Variants in GRM8 observed in about 807,000 individuals in gnomAD.
The protein encoded by GRM8 is metabotropic glutamate receptor 8.
GRM8 carries 47 observed loss-of-function variants against 87.2 expected under a neutral mutation model. The observed-to-expected ratio is 0.54, with a 90% CI of 0.43 to 0.69. The LOEUF (loss-of-function observed/expected upper bound fraction) is 0.69, where lower values mean the gene tolerates loss of function less well. GRM8 is among the 30% of genes least tolerant of loss of function. The pLI, the probability that GRM8 is intolerant of heterozygous loss-of-function variation, is 0.00. For synonymous variants in GRM8, 396 were observed against 404.5 expected, an observed-to-expected ratio of 0.98 and a Z score of 0.25; for missense variants, 1,019 against 1,139.2, an observed-to-expected ratio of 0.89 and a Z score of 1.52.
chr7:127,149,709 T>G (rs554872595), intron 2 of GRM8, among the ~76,000 whole-genome samples: 2 of 152,050 alleles, frequency 1.3e-5, no homozygotes, highest in Admixed American at 1.3e-4. Flanking sequence ...GGTACAAATA[T>G]ACAATGGAAT....
intron 7 of GRM8, among the ~76,000 whole-genome samples, chr7:126,702,460 C>A (rs976498690): frequency 1.3e-5 from 2 of 152,144 alleles, no homozygotes; most frequent in African/African-American, 2.4e-5. Flanking sequence ...TATACTCATG[C>A]GAAGCACTGA....
intron 6 of GRM8, among the ~76,000 whole-genome samples, chr7:126,795,374 T>A (rs1395119121): frequency 6.6e-6 from 1 of 152,148 alleles, no homozygotes; most frequent in Non-Finnish European, 1.5e-5. Flanking sequence ...TGTTGACTGA[T>A]TTTTAGGTAA....
In GRM8 at chr7:127,114,920, A is replaced by T. The variant is rs537658103; in HGVS notation, c.511-8208T>A. ...AAGGGACTATTTTCAAGGCAGGAGC[A>T]GCATATAGAGAAGGCAGTGGAAAGC... On this transcript the variant is annotated intron_variant, in intron 2 of 10. Coordinates refer to ENST00000339582, the MANE Select transcript of GRM8 (RefSeq NM_000845.3). 1.1e-3 allele frequency among the ~76,000 whole-genome samples: 174 copies of T among 152,284 alleles called. 1 individual carries two copies. Among genetic ancestry groups the T allele is most frequent in the African/African-American group, 4.2e-3 (173 of 41,554 alleles).
At chr7:126,696,270 T>C (rs1386931977) in intron 7 of GRM8, among the ~76,000 whole-genome samples, 1 of 152,166 alleles carries the variant, frequency 6.6e-6, no homozygotes, top group Non-Finnish European at 1.5e-5. Context: ...GATGTGCAGG[T>C]TTGTTACACA....
intron 6 of GRM8, among the ~76,000 whole-genome samples, chr7:126,886,151 G>A (rs2131036910): frequency 6.6e-6 from 1 of 152,166 alleles, no homozygotes; most frequent in Admixed American, 6.6e-5. Flanking sequence ...ATTGAAGATA[G>A]GGGTCATTTT....
intron 6 of GRM8, among the ~76,000 whole-genome samples, chr7:126,785,385 C>T (rs1261789962): frequency 6.6e-6 from 1 of 152,090 alleles, no homozygotes; most frequent in Non-Finnish European, 1.5e-5. Flanking sequence ...CAACCACACA[C>T]CAATGCTACC....
At chr7:126,930,284 G>A (rs935702269) in intron 3 of GRM8, among the ~76,000 whole-genome samples, 5 of 152,166 alleles carry the variant, frequency 3.3e-5, no homozygotes, top group Non-Finnish European at 7.4e-5. Context: ...GGCAATAGTA[G>A]TAGTACTGAC....
chr7:127,019,903 C>A (rs1816088493), intron 3 of GRM8, among the ~76,000 whole-genome samples: 1 of 152,076 alleles, frequency 6.6e-6, no homozygotes, highest in African/African-American at 2.4e-5. Flanking sequence ...TACACCACTG[C>A]AAGCTCTCTG....
chr7:127,040,509 A>G (rs576983547), intron 3 of GRM8, among the ~76,000 whole-genome samples: 1 of 152,254 alleles, frequency 6.6e-6, no homozygotes, highest in African/African-American at 2.4e-5. Flanking sequence ...TTCATGCTCT[A>G]CAAGAGTAAA....
At chr7:127,210,913 G>T (rs1453194485) in intron 2 of GRM8, among the ~76,000 whole-genome samples, 2 of 152,142 alleles carry the variant, frequency 1.3e-5, no homozygotes, top group African/African-American at 4.8e-5. Context: ...TACCACATAG[G>T]TACATTAGAC....
At chr7:126,995,176 G>A (rs927522707) in intron 3 of GRM8, among the ~76,000 whole-genome samples, 12 of 152,070 alleles carry the variant, frequency 7.9e-5, no homozygotes, top group South Asian at 2.1e-4. Context: ...TGTATTACTC[G>A]GCTTGGAACC....
chr7:127,196,794 A>C (rs1795300963), intron 2 of GRM8, among the ~76,000 whole-genome samples: 1 of 152,338 alleles, frequency 6.6e-6, no homozygotes, highest in South Asian at 2.1e-4. Flanking sequence ...TCTGTGCCTC[A>C]GTTTCCTCAT....
intron 8 of GRM8, among the ~76,000 whole-genome samples, chr7:126,557,287 A>C (rs1333840614): frequency 1.3e-5 from 2 of 152,244 alleles, no homozygotes; most frequent in Non-Finnish European, 2.9e-5. Flanking sequence ...CTCTGGATCC[A>C]TTACCATAAG....
At chr7:126,793,433 T>C (rs1821588073) in intron 6 of GRM8, among the ~76,000 whole-genome samples, 1 of 152,146 alleles carries the variant, frequency 6.6e-6, no homozygotes. Context: ...TCCCCTGATT[T>C]GAAAAGTGGG....
At position 126,533,162 on chromosome 7, in the gene GRM8, G is replaced by A; in HGVS notation, c.2220C>T (p.Leu740=). The A allele has an allele frequency of 6.2e-7, 1 of 1,612,810 alleles. No individual in the cohort carries two copies. Among genetic ancestry groups the A allele is most frequent in the Non-Finnish European group, 8.5e-7 (1 of 1,179,702 alleles). Residue 740 remains leucine, a synonymous_variant, in exon 9 of 11, where the codon CTC becomes CTT. Transcript: ENST00000339582. ...GTGAGAGATCAGAAATGTCACACTT[G>A]AGCACTCCCCTGGCCTTCTCTGGAT... ...TLDPEKARGV[L]KCDISDLSLI...
At chr7:126,600,830 T>C (rs1271842392) in intron 8 of GRM8, among the ~76,000 whole-genome samples, 1 of 152,100 alleles carries the variant, frequency 6.6e-6, no homozygotes, top group Admixed American at 6.6e-5. Flanking sequence ...TAAATTAGCA[T>C]CTAATAAACA....
rs554938646 is a variant in GRM8 at position 126,574,149 on chromosome 7, C to T, written c.1494+35213G>A. On this transcript the variant is annotated intron_variant, in intron 8 of 10. Transcript: ENST00000339582. ...TAAATGACACTGTTACCATCACCCA[C>T]CTACCCTGGAGAAGAAATGCACATT... Among the ~76,000 whole-genome samples, 4 of 152,328 alleles carry T rather than the reference C, an allele frequency of 2.6e-5. No homozygotes were observed. The South Asian group carries it at 6.2e-4, about 24-fold the overall frequency.
intron 9 of GRM8, among the ~76,000 whole-genome samples, chr7:126,483,984 A>T (rs929088417): frequency 6.6e-6 from 1 of 152,058 alleles, no homozygotes; most frequent in African/African-American, 2.4e-5. Context: ...AGCATCAGTC[A>T]CTACAATGTT....
At chr7:126,544,864 A>G (rs1042458984) in intron 8 of GRM8, among the ~76,000 whole-genome samples, 5 of 152,140 alleles carry the variant, frequency 3.3e-5, no homozygotes, top group Non-Finnish European at 7.3e-5. Flanking sequence ...AGGTTCCTTT[A>G]TTAGGACTGA....
Sources: gnomAD v4.1 joint callset for allele counts (sites outside exome capture counted in the v4.1 genomes callset) on GRCh38, gnomAD v4.1.1 for gene constraint, MANE v1.5 for transcripts, NCBI Gene and HGNC (gene_info 2026-07-23, HGNC 2026-07-21) for gene names.